Variants in SAMD3 observed in about 807,000 individuals in gnomAD.
SAMD3 encodes the protein sterile alpha motif domain-containing protein 3.
Under a neutral mutation model 58.5 loss-of-function variants are expected in SAMD3, and 63 were observed. That is an observed-to-expected ratio of 1.08 (90% CI 0.88 to 1.33). SAMD3 has a LOEUF of 1.33. Among genes scored for constraint, SAMD3 ranks in the 40% most tolerant of loss-of-function variants. The pLI is 0.00. For synonymous variants in SAMD3, 220 were observed against 210.3 expected (o/e 1.05, Z -0.40); for missense variants, 604 against 608.4 (o/e 0.99, Z 0.08).
chr6:130,269,413 T>C (rs544465816), intron 2 of SAMD3, among the ~76,000 whole-genome samples: 1 of 152,192 alleles, frequency 6.6e-6, no homozygotes, highest in South Asian at 2.1e-4. Context: ...ACTACTCAGA[T>C]TATCTATTTC....
At chr6:130,170,555 G>A (rs575753597) in intron 8 of SAMD3, among the ~76,000 whole-genome samples, 3 of 152,252 alleles carry the variant, frequency 2.0e-5, no homozygotes, top group African/African-American at 7.2e-5. Flanking sequence ...CCATTTTCAT[G>A]ATACTGACTC....
At chr6:130,164,392 T>C (rs561494479) in intron 8 of SAMD3, among the ~76,000 whole-genome samples, 45 of 152,312 alleles carry the variant, frequency 3.0e-4, no homozygotes, top group African/African-American at 9.4e-4. Flanking sequence ...CAAATGGCAG[T>C]AACTCTCATA....
At chr6:130,354,969 A>G (rs1244588671) in intron 1 of SAMD3, among the ~76,000 whole-genome samples, 2 of 152,226 alleles carry the variant, frequency 1.3e-5, no homozygotes, top group Admixed American at 6.5e-5. Flanking sequence ...TCCCCTTGGG[A>G]AATCAACTGA....
At chr6:130,286,607 T>C (rs1276646820) in intron 2 of SAMD3, among the ~76,000 whole-genome samples, 2 of 152,184 alleles carry the variant, frequency 1.3e-5, no homozygotes, top group Non-Finnish European at 2.9e-5. Context: ...TACATAGATA[T>C]AGATATCCAT....
chr6:130,216,672 A>G (rs1004374096), intron 1 of SAMD3, 56 bp from the exon 2 acceptor site: 2 of 152,246 alleles, frequency 1.3e-5, no homozygotes, highest in African/African-American at 4.8e-5. Context: ...GTGTTCACAA[A>G]CACCAACTTG....
chr6:130,281,224 G>A (rs539312957), intron 2 of SAMD3, among the ~76,000 whole-genome samples: 1 of 152,302 alleles, frequency 6.6e-6, no homozygotes, highest in South Asian at 2.1e-4. Flanking sequence ...GCAATACTGT[G>A]TATAAGGGAA....
Position 130,185,574 on chromosome 6 carries a change from A to G in SAMD3, c.384-951T>C, listed in dbSNP as rs548254201. Among the ~76,000 whole-genome samples, 50 of 147,774 alleles carry G rather than the reference A, an allele frequency of 3.4e-4. No homozygotes were observed. The South Asian group carries it at 9.6e-3, about 29-fold the overall frequency. ...AATCTCCTGACCTCGTGATCTGCCC[A>G]CCTTGGCCTCCCAAAGTGCTGGGAC... On this transcript the variant is annotated intron_variant, in intron 5 of 11. Transcript: ENST00000439090.
At chr6:130,307,314 T>A (rs1451467502) in intron 2 of SAMD3, among the ~76,000 whole-genome samples, 2 of 150,454 alleles carry the variant, frequency 1.3e-5, no homozygotes, top group Non-Finnish European at 3.0e-5. Flanking sequence ...GAGTTTTTAA[T>A]TTTTGAACAA....
Position 130,175,863 on chromosome 6 carries a change from T to A in SAMD3, c.800A>T (p.Glu267Val), listed in dbSNP as rs1309100469. Residue 267 changes from glutamate to valine, a missense_variant, in exon 8 of 12, where the codon GAA becomes GTA. Coordinates refer to ENST00000439090, the MANE Select transcript of SAMD3 (RefSeq NM_001017373.4). ...RKSLADIRFDEIKLVQIKEEA... is the reference protein window; with the variant it reads ...RKSLADIRFDVIKLVQIKEEA... ...TACTTTTATCTGGACAAGTTTAATT[T>A]CATCAAATCTTATATCAGCAAGAGA... The A allele has an allele frequency of 1.7e-5, 28 of 1,611,852 alleles. No individual in the cohort carries two copies. The highest frequency in any genetic ancestry group is 2.3e-5 in the Non-Finnish European group (27 of 1,178,794).
chr6:130,154,344 C>T (rs1582731027), intron 9 of SAMD3, among the ~76,000 whole-genome samples: 1 of 151,440 alleles, frequency 6.6e-6, no homozygotes. Flanking sequence ...AGCCTTTGGG[C>T]CTCACACCCC....
At position 130,146,123 on chromosome 6, in the gene SAMD3, A is replaced by G; in HGVS notation, c.1082T>C (p.Ile361Thr). The change falls in exon 10 of 12, where the codon ATT (isoleucine) becomes ACT (threonine). Residue 361 changes from isoleucine (I) to threonine (T), a missense_variant. Coordinates refer to ENST00000439090, the MANE Select transcript of SAMD3 (RefSeq NM_001017373.4). ...RTDIYKKTRH[I>T]LESYSENILT... ...TATATTTTCTGAATAGGATTCCAAA[A>G]TGTGCCTTGTTTTCTTATAAATATC... 6.2e-7 allele frequency: 1 copy of G among 1,602,180 alleles called. No homozygotes were observed. Among genetic ancestry groups the G allele is most frequent in the East Asian group, 2.3e-5 (1 of 44,242 alleles).
chr6:130,314,516 A>T (rs1421012968), intron 1 of SAMD3, among the ~76,000 whole-genome samples: 1 of 152,248 alleles, frequency 6.6e-6, no homozygotes, highest in Non-Finnish European at 1.5e-5. Flanking sequence ...CTTAGATGCA[A>T]TCAGAAAGTG....
chr6:130,339,652 G>C (rs1777211696), intron 1 of SAMD3, among the ~76,000 whole-genome samples: 1 of 152,286 alleles, frequency 6.6e-6, no homozygotes, highest in South Asian at 2.1e-4. Flanking sequence ...ATCCAGTCTA[G>C]GGCAGTTTTT....
chr6:130,213,847 T>C lies in SAMD3; in HGVS notation c.269+490A>G, dbSNP rs368817908. On this transcript the variant is annotated intron_variant, in intron 4 of 11. Coordinates refer to ENST00000439090, the MANE Select transcript of SAMD3 (RefSeq NM_001017373.4). ...GGACACTCTTAAAAAATTAGAATAC[T>C]CATGTGACAATAACGTGTTTAGCAA... Among the ~76,000 whole-genome samples, 397 of 152,272 alleles carry C rather than the reference T, an allele frequency of 2.6e-3. 2 individuals carry two copies. The highest frequency in any genetic ancestry group is 6.8e-3 in the Middle Eastern group (2 of 294).
intron 1 of SAMD3, among the ~76,000 whole-genome samples, chr6:130,220,917 G>A (rs911926935): frequency 2.0e-5 from 3 of 151,674 alleles, no homozygotes; most frequent in African/African-American, 4.9e-5. Flanking sequence ...GCAGTGGCAC[G>A]ATCTCGGCTC....
intron 8 of SAMD3, among the ~76,000 whole-genome samples, chr6:130,172,531 G>C (rs1791344404): frequency 6.6e-6 from 1 of 152,124 alleles, no homozygotes. Context: ...TTGAATATTG[G>C]ACCCCACTCT....
chr6:130,263,839 C>T (rs1372692322), intron 2 of SAMD3, among the ~76,000 whole-genome samples: 1 of 152,068 alleles, frequency 6.6e-6, no homozygotes, highest in African/African-American at 2.4e-5. Context: ...GACCCCAGTG[C>T]CGACCAGGAG....
At chr6:130,248,987 A>G (rs1417748946) in intron 2 of SAMD3, among the ~76,000 whole-genome samples, 1 of 152,200 alleles carries the variant, frequency 6.6e-6, no homozygotes, top group African/African-American at 2.4e-5. Context: ...ATGGGGCTCA[A>G]TATCACTTTT....
intron 8 of SAMD3, among the ~76,000 whole-genome samples, chr6:130,165,088 T>C (rs1790609414): frequency 6.6e-6 from 1 of 152,136 alleles, no homozygotes; most frequent in Non-Finnish European, 1.5e-5. Flanking sequence ...ACTAGAAAGA[T>C]GATAAACAAG....
Sources: allele counts gnomAD v4.1 joint callset (sites outside exome capture counted in the v4.1 genomes callset), GRCh38; gene constraint gnomAD v4.1.1; transcripts MANE v1.5; gene names NCBI Gene and HGNC (gene_info 2026-07-23, HGNC 2026-07-21).